LRRC63: variants seen among roughly 807,000 people sequenced by gnomAD.
The protein encoded by LRRC63 is leucine rich repeat containing 63.
Under a neutral mutation model 49.5 loss-of-function variants are expected in LRRC63, and 40 were observed. The observed-to-expected ratio is 0.81, with a 90% CI of 0.63 to 1.05. The LOEUF is 1.05. Ranked by LOEUF, LRRC63 falls within the 50% of genes least tolerant of loss-of-function variation. The pLI is 0.00. For synonymous variants in LRRC63, 191 were observed against 221.1 expected (o/e 0.86, Z 1.21); for missense variants, 636 against 663.1 (o/e 0.96, Z 0.45).
At chr13:46,226,765 G>A (rs2046589082) in intron 2 of LRRC63, among the ~76,000 whole-genome samples, 1 of 152,190 alleles carries the variant, frequency 6.6e-6, no homozygotes, top group Non-Finnish European at 1.5e-5. Context: ...GGTAAAGGGT[G>A]AAGTGTTGAA....
chr13:46,269,800 T>A (rs890015810), intron 9 of LRRC63, among the ~76,000 whole-genome samples: 4 of 147,294 alleles, frequency 2.7e-5, no homozygotes, highest in Non-Finnish European at 4.5e-5. Context: ...ATATATATAT[T>A]ATATATATAT....
exon 10 of LRRC63, chr13:46,276,843 TA>T: frequency 6.8e-6 from 1 of 147,770 alleles, no homozygotes; most frequent in Non-Finnish European, 1.3e-5. Context: ...TATATATATA[TA>T]TATATATTTA....
At chr13:46,243,094 AAAC>A (rs1340681839) in intron 5 of LRRC63, among the ~76,000 whole-genome samples, 1 of 152,236 alleles carries the variant, frequency 6.6e-6, no homozygotes, top group African/African-American at 2.4e-5. Flanking sequence ...AAACTATTAA[AAAC>A]AACAATTGCA....
At chr13:46,245,939 CT>C (rs1392930335) in intron 5 of LRRC63, among the ~76,000 whole-genome samples, 1 of 152,188 alleles carries the variant, frequency 6.6e-6, no homozygotes, top group Non-Finnish European at 1.5e-5. Context: ...TGGTTTGGAT[CT>C]GTGTCCTCAC....
At chr13:46,250,444 T>G (rs1036915151) in exon 7 of LRRC63, 4 of 1,537,818 alleles carry the variant, frequency 2.6e-6, no homozygotes, top group Non-Finnish European at 3.5e-6. Context: ...TTGAGTTCCT[T>G]AGAATTTTCA....
At chr13:46,228,168 C>A in exon 3 of LRRC63, 4 of 1,548,242 alleles carry the variant, frequency 2.6e-6, no homozygotes, top group Non-Finnish European at 3.5e-6. Flanking sequence ...ACCAAGAAAA[C>A]CTCACAGGCA....
intron 7 of LRRC63, among the ~76,000 whole-genome samples, chr13:46,261,631 G>GCAACAA (rs146074074): frequency 2.0e-5 from 3 of 151,950 alleles, no homozygotes; most frequent in African/African-American, 7.3e-5. Context: ...GGAAACTAAT[G>GCAACAA]CAACAACAAC....
intron 7 of LRRC63, among the ~76,000 whole-genome samples, chr13:46,253,638 G>A (rs2047440306): frequency 6.6e-6 from 1 of 152,076 alleles, no homozygotes. Flanking sequence ...CTCCTCAAAG[G>A]CTGACAGGAA....
intron 7 of LRRC63, among the ~76,000 whole-genome samples, chr13:46,253,513 A>G (rs1400132957): frequency 6.6e-6 from 1 of 152,116 alleles, no homozygotes; most frequent in Non-Finnish European, 1.5e-5. Flanking sequence ...TGAATCACTA[A>G]GAAAGGTGTA....
At chr13:46,249,741 G>A (rs1268891319) in intron 6 of LRRC63, among the ~76,000 whole-genome samples, 8 of 151,822 alleles carry the variant, frequency 5.3e-5, no homozygotes, top group Admixed American at 2.0e-4. Flanking sequence ...TAACAAGGTT[G>A]AATTTAATAT....
chr13:46,274,578 C>T (rs1380211582), intron 9 of LRRC63, among the ~76,000 whole-genome samples: 1 of 152,210 alleles, frequency 6.6e-6, no homozygotes, highest in African/African-American at 2.4e-5. Flanking sequence ...CTCTCTGTCT[C>T]TCTACCCACA....
intron 7 of LRRC63, among the ~76,000 whole-genome samples, chr13:46,252,636 G>T (rs2047412921): frequency 1.3e-5 from 2 of 152,026 alleles, no homozygotes; most frequent in South Asian, 4.1e-4. Context: ...GTGAGAGTTG[G>T]TTCCCTGGAA....
intron 5 of LRRC63, among the ~76,000 whole-genome samples, chr13:46,244,909 A>G (rs541401670): frequency 9.7e-4 from 147 of 152,324 alleles, no homozygotes; most frequent in African/African-American, 3.2e-3. Context: ...AATAAAAAAA[A>G]TAGAGATTGT....
chr13:46,273,637 G>A (rs1417040856), intron 9 of LRRC63, among the ~76,000 whole-genome samples: 1 of 151,004 alleles, frequency 6.6e-6, no homozygotes, highest in Non-Finnish European at 1.5e-5. Flanking sequence ...CGGTGGCTGG[G>A]CATGGTGGCT....
At chr13:46,264,561 A>G (rs2047657114) in intron 8 of LRRC63, among the ~76,000 whole-genome samples, 1 of 151,786 alleles carries the variant, frequency 6.6e-6, no homozygotes, top group Admixed American at 6.6e-5. Flanking sequence ...CACATCATGC[A>G]TTTTGGTTCC....
chr13:46,270,486 C>T, intron 9 of LRRC63: 1 of 784,520 alleles, frequency 1.3e-6, no homozygotes, highest in South Asian at 1.3e-5. Flanking sequence ...TCAAGAAAAG[C>T]CATCACTGAA....
At chr13:46,221,135 A>G (rs1002660371) in intron 2 of LRRC63, among the ~76,000 whole-genome samples, 1 of 152,200 alleles carries the variant, frequency 6.6e-6, no homozygotes, top group Non-Finnish European at 1.5e-5. Flanking sequence ...CAGCTGGCAC[A>G]TGGTAGGTGT....
intron 2 of LRRC63, among the ~76,000 whole-genome samples, chr13:46,214,168 AT>A (rs1243730262): frequency 1.3e-5 from 2 of 152,058 alleles, no homozygotes; most frequent in African/African-American, 4.8e-5. Flanking sequence ...CTTCCATCTG[AT>A]TTTAGTTGAT....
chr13:46,265,274 A>G (rs756610169), intron 8 of LRRC63, among the ~76,000 whole-genome samples: 1 of 152,172 alleles, frequency 6.6e-6, no homozygotes, highest in Non-Finnish European at 1.5e-5. Flanking sequence ...GAGCCTCACC[A>G]TGGCTATTCA....
Sources: allele counts gnomAD v4.1 joint callset (sites outside exome capture counted in the v4.1 genomes callset), GRCh38; gene constraint gnomAD v4.1.1; transcripts MANE v1.5; gene names NCBI Gene and HGNC (gene_info 2026-07-23, HGNC 2026-07-21).